Variants in LCORL observed in about 807,000 individuals in gnomAD.
The protein encoded by LCORL is ligand-dependent nuclear receptor corepressor-like protein.
In LCORL, 41 loss-of-function variants were observed where a neutral mutation model predicts 141.8. The ratio of observed to expected loss-of-function variants is 0.29; its 90% CI spans 0.23 to 0.38. The LOEUF (loss-of-function observed/expected upper bound fraction) is 0.38. Ranked by LOEUF, LCORL falls within the 10% of genes least tolerant of loss-of-function variation. The probability of loss-of-function intolerance (pLI) is 1.00; values close to 1 mark genes in which losing one functional copy is unlikely to be tolerated. For missense variants in LCORL, 1,759 were observed against 2,035.0 expected, an observed-to-expected ratio of 0.86 and a Z score of 2.61; for synonymous variants, 618 against 694.1, an observed-to-expected ratio of 0.89 and a Z score of 1.72.
Position 17,942,851 on chromosome 4 carries a change from C to T in LCORL, c.430+19052G>A, listed in dbSNP as rs145042693. Among the ~76,000 whole-genome samples, 1,238 of 150,232 alleles carry T rather than the reference C, an allele frequency of 8.2e-3. 14 individuals carry two copies. Among genetic ancestry groups the T allele is most frequent in the Non-Finnish European group, 7.8e-3 (530 of 67,832 alleles). On this transcript the variant is annotated intron_variant, in intron 4 of 7. Transcript: ENST00000635767. Reference sequence around the variant, plus strand: ...ACTGGGCTGCATAGCAGGAGGTGAGCAGCCAGCAAGTGAGCATTACCGCCT... The same window carrying T: ...ACTGGGCTGCATAGCAGGAGGTGAGTAGCCAGCAAGTGAGCATTACCGCCT...
intron 7 of LCORL, among the ~76,000 whole-genome samples, chr4:17,851,911 T>C (rs913851280): frequency 1.3e-5 from 2 of 152,132 alleles, no homozygotes; most frequent in African/African-American, 4.8e-5. Flanking sequence ...ATTTCTCTTA[T>C]GAATAAGGTT....
intron 4 of LCORL, among the ~76,000 whole-genome samples, chr4:17,942,904 A>G (rs1367911486): frequency 6.6e-6 from 1 of 152,170 alleles, no homozygotes; most frequent in Non-Finnish European, 1.5e-5. Context: ...GTTCAGCAGT[A>G]GCATTAGATA....
intron 1 of LCORL, among the ~76,000 whole-genome samples, chr4:17,978,670 A>G (rs1030390790): frequency 7.9e-5 from 12 of 151,990 alleles, no homozygotes; most frequent in Admixed American, 5.9e-4. Flanking sequence ...CCAGCCCTAT[A>G]TAAGTTCTGA....
At chr4:17,848,273 C>T (rs1298720833) in intron 7 of LCORL, among the ~76,000 whole-genome samples, 2 of 152,168 alleles carry the variant, frequency 1.3e-5, no homozygotes, top group Non-Finnish European at 2.9e-5. Context: ...TACTGCTCTA[C>T]AGAATTCTTA....
intron 6 of LCORL, chr4:17,880,872 T>C (rs901973654): frequency 1.5e-5 from 13 of 872,090 alleles, no homozygotes; most frequent in Middle Eastern, 1.2e-3. Context: ...TATAGTGCAA[T>C]TGATTTATGC....
rs147645971 is a variant in LCORL at position 17,852,490 on chromosome 4, TATACAA to T, written c.5603-6595_5603-6590del. Reference sequence around the variant, plus strand: ...ATGCTTTAAAAACCATATGGAGCTCTATACAAATACAAAGCCTTAGTTTTGCCGCAT... The same window carrying T: ...ATGCTTTAAAAACCATATGGAGCTCTATACAAAGCCTTAGTTTTGCCGCAT... On this transcript the variant is annotated intron_variant, in intron 7 of 7. Transcript: ENST00000635767. Among the ~76,000 whole-genome samples, 572 of 152,272 alleles carry T rather than the reference TATACAA, an allele frequency of 3.8e-3. 13 individuals are homozygous for T. In the East Asian group the frequency reaches 0.058, roughly 15 times the overall value.
rs191998698 is a variant in LCORL at position 17,991,926 on chromosome 4, G to T, written c.155-19041C>A. Among the ~76,000 whole-genome samples the T allele has an allele frequency of 4.0e-3, 615 of 152,228 alleles. 3 individuals are homozygous for T. Among genetic ancestry groups the T allele is most frequent in the Admixed American group, 0.013 (192 of 15,306 alleles). On this transcript the variant is annotated intron_variant, in intron 1 of 7. Coordinates refer to ENST00000635767, the Ensembl canonical transcript of LCORL. ...GGTGTATCTGAAATTAATGATTACG[G>T]AAGTGAAGCACACAAAGTGATGGTG...
intron 1 of LCORL, among the ~76,000 whole-genome samples, chr4:17,984,145 T>G (rs929110300): frequency 9.9e-5 from 15 of 152,188 alleles, no homozygotes; most frequent in African/African-American, 3.6e-4. Context: ...ATTAGCTTTT[T>G]GATGTGCTGC....
At chr4:17,914,349 A>C (rs1196142257) in intron 4 of LCORL, among the ~76,000 whole-genome samples, 1 of 152,212 alleles carries the variant, frequency 6.6e-6, no homozygotes, top group Non-Finnish European at 1.5e-5. Context: ...ATTCAATATG[A>C]TTATATCTGT....
chr4:18,006,276 C>T (rs1174783855), intron 1 of LCORL, among the ~76,000 whole-genome samples: 2 of 152,154 alleles, frequency 1.3e-5, no homozygotes, highest in African/African-American at 4.8e-5. Flanking sequence ...GATACCACCT[C>T]AGCTTGGATC....
At chr4:17,992,919 C>CA (rs1720272950) in intron 1 of LCORL, among the ~76,000 whole-genome samples, 1 of 152,178 alleles carries the variant, frequency 6.6e-6, no homozygotes, top group Admixed American at 6.5e-5. Context: ...CAAAAAGTAA[C>CA]AACACACAGA....
exon 7 of LCORL, chr4:17,875,206 T>C (rs1726789951): frequency 2.4e-6 from 3 of 1,231,644 alleles, no homozygotes; most frequent in Non-Finnish European, 3.0e-6. Context: ...GTTCTATTAA[T>C]AGTCACAGAT....
At chr4:18,013,272 G>A (rs960608185) in intron 1 of LCORL, among the ~76,000 whole-genome samples, 4 of 152,150 alleles carry the variant, frequency 2.6e-5, no homozygotes, top group African/African-American at 9.7e-5. Flanking sequence ...GATTCCTTAA[G>A]GTGTGGTACT....
At position 17,998,964 on chromosome 4, in the gene LCORL, CAAAAAA is replaced by C. The variant is rs775544332; in HGVS notation, c.154+22628_154+22633del. On this transcript the variant is annotated intron_variant, in intron 1 of 7. Coordinates refer to ENST00000635767, the Ensembl canonical transcript of LCORL. ...TGGGTGACAGAGTGAGACCCTGTCT[CAAAAAA>C]AAAAAAAAAAAAAAAATATATATAT... is the stretch of plus-strand genomic sequence containing the variant. Among the ~76,000 whole-genome samples, 49 of 44,822 alleles carry C rather than the reference CAAAAAA, an allele frequency of 1.1e-3. 1 individual carries two copies. Among genetic ancestry groups the C allele is most frequent in the East Asian group, 6.3e-3 (10 of 1,586 alleles). 29.4% of individuals were successfully genotyped at this position (44,822 alleles called of 152,430 possible). A position where few individuals can be genotyped will look rare whatever the true frequency, so the allele number is the denominator to read the frequency against.
intron 6 of LCORL, among the ~76,000 whole-genome samples, chr4:17,885,007 T>C (rs962716306): frequency 2.0e-5 from 3 of 151,980 alleles, no homozygotes; most frequent in African/African-American, 4.8e-5. Context: ...ACTCAGTATT[T>C]GTAAAAATAT....
chr4:17,848,893 C>T (rs202104557), intron 7 of LCORL, among the ~76,000 whole-genome samples: 4 of 152,218 alleles, frequency 2.6e-5, no homozygotes, highest in Non-Finnish European at 5.9e-5. Flanking sequence ...ACACCTGGCT[C>T]GGAGGGTCCT....
intron 4 of LCORL, among the ~76,000 whole-genome samples, chr4:17,942,603 C>T (rs1738150458): frequency 2.0e-5 from 3 of 152,122 alleles, no homozygotes; most frequent in Non-Finnish European, 2.9e-5. Context: ...AACTAGAGAT[C>T]ATCTTTCATT....
exon 8 of LCORL, chr4:17,845,733 G>A (rs527647162): frequency 2.8e-5 from 45 of 1,606,024 alleles, no homozygotes; most frequent in Middle Eastern, 3.3e-4. Flanking sequence ...ATTTCTCTTC[G>A]CTTTTGAGAT....
exon 8 of LCORL, chr4:17,845,718 A>C: frequency 6.2e-7 from 1 of 1,600,400 alleles, no homozygotes; most frequent in African/African-American, 1.3e-5. Flanking sequence ...GAAGAACTGC[A>C]ATCTATTTCT....
Sources: allele counts gnomAD v4.1 joint callset (sites outside exome capture counted in the v4.1 genomes callset), GRCh38; gene constraint gnomAD v4.1.1; transcripts MANE v1.5; gene names NCBI Gene and HGNC (gene_info 2026-07-23, HGNC 2026-07-21).